Variants in CSNK1G2 observed in about 807,000 individuals in gnomAD.
The protein encoded by CSNK1G2 is casein kinase 1 gamma 2.
A neutral mutation model predicts 48.0 loss-of-function variants in CSNK1G2; 11 were observed. The ratio of observed to expected loss-of-function variants is 0.23; its 90% CI spans 0.14 to 0.38. CSNK1G2 has a LOEUF of 0.38. Ranked by LOEUF, CSNK1G2 falls within the 10% of genes least tolerant of loss-of-function variation. The pLI is 1.00. For synonymous variants in CSNK1G2, 337 were observed against 254.1 expected (o/e 1.33, Z -3.10); for missense variants, 446 against 595.5 (o/e 0.75, Z 2.61).
At chr19:1,965,197 C>CATCCTGGCTA (rs1273682752) in intron 1 of CSNK1G2, among the ~76,000 whole-genome samples, 106 of 149,850 alleles carry the variant, frequency 7.1e-4, no homozygotes, top group South Asian at 4.3e-4. Flanking sequence ...AGATCGAGAC[C>CATCCTGGCTA]ACAGTGAAAC....
intron 2 of CSNK1G2, 103 bp downstream of exon 2, chr19:1,970,062 TG>T: frequency 2.1e-6 from 2 of 959,984 alleles, no homozygotes; most frequent in Non-Finnish European, 1.4e-6. Context: ...CTGGAGCCTC[TG>T]GCGGGGCCGC....
intron 1 of CSNK1G2, among the ~76,000 whole-genome samples, chr19:1,955,477 A>AGGCTGAGGCGAGGCTCC (rs1315277873): frequency 7.0e-6 from 1 of 142,674 alleles, no homozygotes; most frequent in Non-Finnish European, 1.5e-5. Context: ...ACTGAGGCTC[A>AGGCTGAGGCGAGGCTCC]GGCTGAGGCG....
At chr19:1,972,158 G>A (rs926056068) in intron 2 of CSNK1G2, among the ~76,000 whole-genome samples, 1 of 152,234 alleles carries the variant, frequency 6.6e-6, no homozygotes, top group African/African-American at 2.4e-5. Flanking sequence ...GCCGCACATC[G>A]TGGTTTCTCA....
chr19:1,964,076 G>C (rs2145556327), intron 1 of CSNK1G2, among the ~76,000 whole-genome samples: 1 of 152,210 alleles, frequency 6.6e-6, no homozygotes, highest in African/African-American at 2.4e-5. Context: ...GCTGGGCCTT[G>C]GCCTCCCAAG....
At chr19:1,975,759 G>A (rs769872359) in intron 2 of CSNK1G2, 8 of 985,298 alleles carry the variant, frequency 8.1e-6, no homozygotes, top group African/African-American at 1.7e-5. Context: ...AATCTGACCA[G>A]GCACAGTGGC....
Position 1,971,915 on chromosome 19 carries a change from G to A in CSNK1G2, c.187+1956G>A, listed in dbSNP as rs141861316. ...CTCCCGAGTAGCTGGGACTACAGGC[G>A]CCCGCCACCACACCCGGCTAATATT... On this transcript the variant is annotated intron_variant, in intron 2 of 11. Coordinates refer to ENST00000255641, the MANE Select transcript of CSNK1G2 (RefSeq NM_001319.7). Among the ~76,000 whole-genome samples the A allele has an allele frequency of 3.8e-3, 584 of 152,130 alleles. 5 individuals are homozygous for A. The highest frequency in any genetic ancestry group is 0.013 in the African/African-American group (535 of 41,506).
chr19:1,943,726 G>C (rs375094658), intron 1 of CSNK1G2, among the ~76,000 whole-genome samples: 42 of 152,350 alleles, frequency 2.8e-4, no homozygotes, highest in African/African-American at 8.2e-4. Flanking sequence ...ACGGACGGAA[G>C]CTGAGCTTAG....
rs2015819465 is a variant in CSNK1G2, at chr19:1,978,021, GT to G, written c.188-283del. On this transcript the variant is annotated intron_variant, in intron 2 of 11. Transcript: ENST00000255641. This position sits in a 1 kb window ranked among gnomAD's most constrained non-coding sequence, Gnocchi z 7.3. The stretch of plus-strand genomic sequence containing the variant: ...CTGCAGGCCGTGAGAGACCTCCCCA[GT>G]GCCGCTTCTGTCCTGGGCTAGGGAG... Among the ~76,000 whole-genome samples the G allele has an allele frequency of 1.3e-5, 2 of 152,050 alleles. No individual in the cohort carries two copies. Among genetic ancestry groups the G allele is most frequent in the Admixed American group, 1.3e-4 (2 of 15,276 alleles).
rs752341175 is a variant in CSNK1G2 at position 1,979,784 on chromosome 19, G to T, written c.1035G>T (p.Leu345=). ...CCATCGGCACCGTCCACACCGACCT[G>T]CCCTCCCAGCCTCAGCTCCGGGACA... The part of the protein sequence containing the change: ...PTPIGTVHTD[L]PSQPQLRDKT... The change falls in exon 10 of 12, where the codon CTG becomes CTT. Residue 345 remains leucine, a synonymous_variant. Coordinates refer to ENST00000255641, the MANE Select transcript of CSNK1G2 (RefSeq NM_001319.7). The T allele has an allele frequency of 6.2e-6, 10 of 1,607,106 alleles. No individual in the cohort carries two copies. Among genetic ancestry groups the T allele is most frequent in the Non-Finnish European group, 8.5e-6 (10 of 1,178,882 alleles).
intron 2 of CSNK1G2, among the ~76,000 whole-genome samples, chr19:1,972,579 C>T (rs958358248): frequency 2.0e-5 from 3 of 152,112 alleles, no homozygotes; most frequent in Admixed American, 6.6e-5. Context: ...AAATGTGAGC[C>T]ATTATTTCAT....
intron 1 of CSNK1G2, among the ~76,000 whole-genome samples, chr19:1,951,941 A>G (rs1281093821): frequency 1.3e-5 from 2 of 152,016 alleles, no homozygotes; most frequent in Non-Finnish European, 2.9e-5. Flanking sequence ...CGGCCTTCCA[A>G]AGTGCTGGGA....
rs1264267502 is a variant in CSNK1G2, at chr19:1,969,571, G to A, written c.-202G>A. The A allele has an allele frequency of 3.7e-5, 15 of 403,348 alleles. No homozygotes were observed. Among genetic ancestry groups the A allele is most frequent in the East Asian group, 1.1e-4 (3 of 27,204 alleles). The allele number at this position is 403,348 out of a possible 1,614,324, so 25.0% of individuals were successfully genotyped here. A position where few individuals can be genotyped will look rare whatever the true frequency, so the allele number is the denominator to read the frequency against. On this transcript the variant is annotated 5_prime_UTR_variant, in exon 2 of 12. Coordinates refer to ENST00000255641, the MANE Select transcript of CSNK1G2 (RefSeq NM_001319.7). ...CAGAATGTCTCCTGCCCCCGAGAGCGACCCCGAGGCCACTGAGAAGAGCAG... is the reference window on the plus strand; with the variant it reads ...CAGAATGTCTCCTGCCCCCGAGAGCAACCCCGAGGCCACTGAGAAGAGCAG...
chr19:1,944,259 G>T (rs1392656947), intron 1 of CSNK1G2, among the ~76,000 whole-genome samples: 2 of 152,170 alleles, frequency 1.3e-5, no homozygotes, highest in Admixed American at 6.5e-5. Context: ...GAGAGAACCT[G>T]TTGGTTGGCG....
In CSNK1G2 at chr19:1,966,857, G is replaced by A. The variant is rs148653877; in HGVS notation, c.-265-2651G>A. On this transcript the variant is annotated intron_variant, in intron 1 of 11. Transcript: ENST00000255641. ...CCATGATCATTACCATTGCTTAGCA[G>A]TAAAGTATTTTTATTTCTTTATTAT... is the stretch of plus-strand genomic sequence containing the variant. 2.4e-3 allele frequency among the ~76,000 whole-genome samples: 358 copies of A among 152,270 alleles called. 1 individual carries two copies. The highest frequency in any genetic ancestry group is 8.1e-3 in the African/African-American group (337 of 41,548).
intron 1 of CSNK1G2, among the ~76,000 whole-genome samples, chr19:1,956,570 C>T (rs142684192): frequency 2.0e-5 from 3 of 152,334 alleles, no homozygotes; most frequent in African/African-American, 4.8e-5. Flanking sequence ...TACTCAGACC[C>T]GGCAGCTGTG....
At chr19:1,952,946 G>T (rs1182002087) in intron 1 of CSNK1G2, 2 of 438,720 alleles carry the variant, frequency 4.6e-6, no homozygotes, top group Non-Finnish European at 8.9e-6. Context: ...GCGGGATGTC[G>T]CCCGGCGGCT....
intron 2 of CSNK1G2, chr19:1,976,210 G>A: frequency 2.6e-6 from 2 of 781,296 alleles, no homozygotes; most frequent in Non-Finnish European, 3.7e-6. Flanking sequence ...GTTACACTGG[G>A]GAGAACGTAG....
At chr19:1,942,237 A>ACCGATCC (rs1599272564) in intron 1 of CSNK1G2, among the ~76,000 whole-genome samples, 1 of 152,044 alleles carries the variant, frequency 6.6e-6, no homozygotes, top group Non-Finnish European at 1.5e-5. Flanking sequence ...CGGTGGCCTC[A>ACCGATCC]CCGATCCCCG....
intron 1 of CSNK1G2, among the ~76,000 whole-genome samples, chr19:1,961,013 C>T (rs1394331132): frequency 3.3e-5 from 5 of 152,192 alleles, no homozygotes; most frequent in Non-Finnish European, 7.4e-5. Flanking sequence ...CGGTGTGCGG[C>T]GGGGCGTGGG....
Sources: allele counts gnomAD v4.1 joint callset (sites outside exome capture counted in the v4.1 genomes callset), GRCh38; gene constraint gnomAD v4.1.1; non-coding constraint Gnocchi (gnomAD v3.1); transcripts MANE v1.5; gene names NCBI Gene and HGNC (gene_info 2026-07-23, HGNC 2026-07-21).